Variants in MAGI2 observed in about 807,000 individuals in gnomAD.
The protein encoded by MAGI2 is membrane associated guanylate kinase, WW and PDZ domain containing 2.
A neutral mutation model predicts 133.3 loss-of-function variants in MAGI2; 35 were observed. The ratio of observed to expected loss-of-function variants is 0.26; its 90% CI spans 0.20 to 0.35. The LOEUF (loss-of-function observed/expected upper bound fraction) is 0.35. Ranked by LOEUF, MAGI2 falls within the 10% of genes least tolerant of loss-of-function variation. The probability of loss-of-function intolerance (pLI) is 1.00; values close to 1 mark genes in which losing one functional copy is unlikely to be tolerated. For synonymous variants in MAGI2, 729 were observed against 710.6 expected (o/e 1.03, Z -0.41); for missense variants, 1,636 against 1,863.4 (o/e 0.88, Z 2.25).
rs1201408306 is a variant in MAGI2, at chr7:78,019,284, G to A, written c.*31C>T. 3 of 1,574,568 alleles carry A rather than the reference G, an allele frequency of 1.9e-6. No individual in the cohort carries two copies. The highest frequency in any genetic ancestry group is 1.7e-4 in the Middle Eastern group (1 of 6,032). ...GAACCTAAGAAGAACTGCCTGCGCC[G>A]GGGCGGGCGGGTTGGCCGTGGCCGC... On this transcript the variant is annotated 3_prime_UTR_variant, in exon 22 of 22. Coordinates refer to ENST00000354212, the MANE Select transcript of MAGI2 (RefSeq NM_012301.4).
At chr7:78,560,957 A>C (rs1477843849) in intron 3 of MAGI2, among the ~76,000 whole-genome samples, 1 of 152,172 alleles carries the variant, frequency 6.6e-6, no homozygotes, top group African/African-American at 2.4e-5. Flanking sequence ...TTATACACTC[A>C]GGTGTCCTAG....
intron 2 of MAGI2, among the ~76,000 whole-genome samples, chr7:78,750,360 G>T (rs1823342767): frequency 6.6e-6 from 1 of 152,132 alleles, no homozygotes. Flanking sequence ...ACGTGTGCAT[G>T]TGTCTTTATG....
chr7:79,105,810 C>T (rs774209766), intron 1 of MAGI2, among the ~76,000 whole-genome samples: 1 of 151,712 alleles, frequency 6.6e-6, no homozygotes, highest in Non-Finnish European at 1.5e-5. Flanking sequence ...TTCTTATCTT[C>T]AAAATACTGC....
At chr7:79,108,596 G>A (rs570073946) in intron 1 of MAGI2, among the ~76,000 whole-genome samples, 1 of 152,144 alleles carries the variant, frequency 6.6e-6, no homozygotes, top group Non-Finnish European at 1.5e-5. Flanking sequence ...TTGCCCAAAG[G>A]CTACTTTGTC....
chr7:78,720,266 T>C (rs1305207371), intron 2 of MAGI2, among the ~76,000 whole-genome samples: 1 of 152,158 alleles, frequency 6.6e-6, no homozygotes, highest in African/African-American at 2.4e-5. Context: ...CTATAAATAG[T>C]AATAGCTAAC....
At chr7:79,029,145 T>C (rs1033530779) in intron 1 of MAGI2, among the ~76,000 whole-genome samples, 2 of 152,196 alleles carry the variant, frequency 1.3e-5, no homozygotes, top group Non-Finnish European at 2.9e-5. Flanking sequence ...ACAACTATTC[T>C]GCATAATCAT....
At chr7:79,162,628 C>T (rs1188055893) in intron 1 of MAGI2, among the ~76,000 whole-genome samples, 1 of 152,004 alleles carries the variant, frequency 6.6e-6, no homozygotes, top group African/African-American at 2.4e-5. Context: ...TTTCTACTTA[C>T]TATAGAATTA....
intron 2 of MAGI2, among the ~76,000 whole-genome samples, chr7:78,649,115 G>A (rs894090244): frequency 6.0e-5 from 9 of 150,180 alleles, no homozygotes; most frequent in African/African-American, 9.8e-5. Flanking sequence ...TTGTTAAACC[G>A]CATGTCTGTT....
chr7:79,241,450 C>T (rs923228820), intron 1 of MAGI2, among the ~76,000 whole-genome samples: 1 of 152,048 alleles, frequency 6.6e-6, no homozygotes, highest in Non-Finnish European at 1.5e-5. Flanking sequence ...AAGTTAACCA[C>T]AGGAGGAATT....
chr7:78,891,918 A>T (rs1796793878), intron 2 of MAGI2, among the ~76,000 whole-genome samples: 1 of 152,222 alleles, frequency 6.6e-6, no homozygotes. Flanking sequence ...GTATTCAATT[A>T]GGAAAAGAGG....
intron 2 of MAGI2, among the ~76,000 whole-genome samples, chr7:78,687,993 A>AG (rs1432326913): frequency 3.4e-5 from 5 of 148,958 alleles, no homozygotes; most frequent in African/African-American, 1.2e-4. Flanking sequence ...AAAAAAAAAA[A>AG]AAAAAAAAGA....
chr7:78,424,083 C>T (rs1037403746), intron 6 of MAGI2, among the ~76,000 whole-genome samples: 3 of 152,170 alleles, frequency 2.0e-5, no homozygotes, highest in Non-Finnish European at 2.9e-5. Flanking sequence ...TCATGGCAGC[C>T]CCTCCCATCA....
At chr7:78,622,172 G>A (rs1432275763) in intron 3 of MAGI2, among the ~76,000 whole-genome samples, 1 of 151,988 alleles carries the variant, frequency 6.6e-6, no homozygotes, top group African/African-American at 2.4e-5. Context: ...AGTTACATTA[G>A]CAGTCTTGCT....
intron 2 of MAGI2, among the ~76,000 whole-genome samples, chr7:78,973,727 A>T (rs1803986884): frequency 2.0e-5 from 3 of 151,784 alleles, no homozygotes. Flanking sequence ...AAGAAGGGAC[A>T]CTCAACTCCT....
At chr7:79,095,589 T>C (rs562627763) in intron 1 of MAGI2, among the ~76,000 whole-genome samples, 2 of 152,230 alleles carry the variant, frequency 1.3e-5, no homozygotes, top group Non-Finnish European at 1.5e-5. Context: ...TTCAATATTA[T>C]TGTGTCTCAG....
chr7:78,683,553 C>G (rs535705177), intron 2 of MAGI2, among the ~76,000 whole-genome samples: 24 of 152,150 alleles, frequency 1.6e-4, no homozygotes, highest in Non-Finnish European at 2.9e-4. Flanking sequence ...GTCCAGCCAT[C>G]CTGGTTTCCT....
chr7:78,476,815 G>A (rs911720131), intron 6 of MAGI2, among the ~76,000 whole-genome samples: 7 of 151,804 alleles, frequency 4.6e-5, no homozygotes, highest in African/African-American at 1.7e-4. Flanking sequence ...ACTTTGAGAA[G>A]CTTGGTGGTT....
At chr7:78,126,529 G>T (rs1172157978) in intron 19 of MAGI2, among the ~76,000 whole-genome samples, 1 of 152,232 alleles carries the variant, frequency 6.6e-6, no homozygotes, top group Non-Finnish European at 1.5e-5. Flanking sequence ...CTCTGGTCTA[G>T]ACTCTTTTCA....
At chr7:78,119,738 A>C (rs6951433) in intron 20 of MAGI2, among the ~76,000 whole-genome samples, 2 of 151,906 alleles carry the variant, frequency 1.3e-5, no homozygotes, top group African/African-American at 4.8e-5. Flanking sequence ...AGGGAGTATA[A>C]GGAAAATCTC....
Sources: allele counts gnomAD v4.1 joint callset (sites outside exome capture counted in the v4.1 genomes callset), GRCh38; gene constraint gnomAD v4.1.1; transcripts MANE v1.5; gene names NCBI Gene and HGNC (gene_info 2026-07-23, HGNC 2026-07-21).